Variants in IGF1R observed in about 807,000 individuals in gnomAD.
IGF1R encodes the protein insulin like growth factor 1 receptor, also known as insulin-like growth factor 1 receptor.
IGF1R carries 44 observed loss-of-function variants against 144.6 expected under a neutral mutation model. The ratio of observed to expected loss-of-function variants is 0.30; its 90% CI spans 0.24 to 0.39. IGF1R has a LOEUF of 0.39. IGF1R is among the 10% of genes least tolerant of loss of function. IGF1R has a pLI of 1.00. For synonymous variants in IGF1R, 795 were observed against 722.8 expected, an observed-to-expected ratio of 1.10 and a Z score of -1.60; for missense variants, 1,355 against 1,833.7, an observed-to-expected ratio of 0.74 and a Z score of 4.77.
intron 2 of IGF1R, among the ~76,000 whole-genome samples, chr15:98,813,010 T>A (rs777262396): frequency 6.6e-6 from 1 of 152,242 alleles, no homozygotes; most frequent in African/African-American, 2.4e-5. Flanking sequence ...TCTCCGATAG[T>A]GCTGGTGAAT....
intron 2 of IGF1R, among the ~76,000 whole-genome samples, chr15:98,718,944 TG>T (rs995845298): frequency 2.0e-5 from 3 of 151,988 alleles, no homozygotes; most frequent in African/African-American, 7.3e-5. Context: ...GCTTTGTTCC[TG>T]GGGTGGTAAC....
At chr15:98,846,703 G>A (rs1278724050) in intron 2 of IGF1R, among the ~76,000 whole-genome samples, 1 of 152,224 alleles carries the variant, frequency 6.6e-6, no homozygotes, top group African/African-American at 2.4e-5. Flanking sequence ...ATCGAGAGGG[G>A]CAGTGTTTCT....
intron 1 of IGF1R, among the ~76,000 whole-genome samples, chr15:98,656,307 T>C (rs1439231208): frequency 6.6e-6 from 1 of 152,202 alleles, no homozygotes; most frequent in Admixed American, 6.5e-5. Context: ...CCCAGCACTT[T>C]GGGAGGCCAA....
chr15:98,815,621 A>G (rs2056680018), intron 2 of IGF1R, among the ~76,000 whole-genome samples: 1 of 152,164 alleles, frequency 6.6e-6, no homozygotes, highest in Non-Finnish European at 1.5e-5. Context: ...GACTGGGCTT[A>G]CCTCTTGTCC....
At chr15:98,918,534 G>A (rs1018832081) in intron 10 of IGF1R, among the ~76,000 whole-genome samples, 14 of 152,082 alleles carry the variant, frequency 9.2e-5, no homozygotes, top group African/African-American at 1.7e-4. Flanking sequence ...TTGAGAGTGC[G>A]CCTCTTCATT....
intron 1 of IGF1R, among the ~76,000 whole-genome samples, chr15:98,693,529 T>A (rs1171149440): frequency 6.6e-6 from 1 of 152,208 alleles, no homozygotes; most frequent in African/African-American, 2.4e-5. Context: ...CCTGGTGCAC[T>A]GGGCACAGCG....
intron 2 of IGF1R, among the ~76,000 whole-genome samples, chr15:98,855,815 C>T (rs1013922460): frequency 6.6e-6 from 1 of 152,188 alleles, no homozygotes; most frequent in African/African-American, 2.4e-5. Flanking sequence ...CAGGTTCTTG[C>T]TAAAGCACTG....
chr15:98,888,297 T>C (rs193029468), intron 2 of IGF1R, among the ~76,000 whole-genome samples: 1 of 152,374 alleles, frequency 6.6e-6, no homozygotes, highest in East Asian at 1.9e-4. Flanking sequence ...TTATATTCTG[T>C]TGTGACCAGT....
At chr15:98,896,725 G>C (rs1403412871) in intron 3 of IGF1R, 32 bp from the exon 4 acceptor site, 1 of 1,607,584 alleles carries the variant, frequency 6.2e-7, no homozygotes, top group Non-Finnish European at 8.5e-7. Flanking sequence ...TCAATTATGT[G>C]TGTTTTTGAT....
chr15:98,826,126 T>C (rs2056890848), intron 2 of IGF1R, among the ~76,000 whole-genome samples: 1 of 152,224 alleles, frequency 6.6e-6, no homozygotes, highest in African/African-American at 2.4e-5. Context: ...GTGGTTGATA[T>C]CTTGAAATCA....
Position 98,947,821 on chromosome 15 carries a change from C to T in IGF1R, c.3588-753C>T, listed in dbSNP as rs545466925. On this transcript the variant is annotated intron_variant, in intron 19 of 20. Transcript: ENST00000650285. ...AGTGCAGCCCACCCTGGTCCCCCCACCTGTGACACAGAGGCCCTGCAGGCC... is the reference window on the plus strand; with the variant it reads ...AGTGCAGCCCACCCTGGTCCCCCCATCTGTGACACAGAGGCCCTGCAGGCC... Among the ~76,000 whole-genome samples the T allele has an allele frequency of 3.9e-5, 6 of 152,346 alleles. No individual in the cohort carries two copies. In the South Asian group the frequency reaches 8.3e-4, roughly 21 times the overall value.
At chr15:98,913,000 G>C in intron 7 of IGF1R, 44 bp from the exon 8 acceptor site, 2 of 1,386,806 alleles carry the variant, frequency 1.4e-6, no homozygotes, top group Non-Finnish European at 2.1e-6. Flanking sequence ...TGAGGGTTTT[G>C]ATGTCAGAGC....
At chr15:98,714,855 G>A (rs1363904791) in intron 2 of IGF1R, among the ~76,000 whole-genome samples, 2 of 152,078 alleles carry the variant, frequency 1.3e-5, no homozygotes, top group Non-Finnish European at 2.9e-5. Context: ...GAGCTGAGAT[G>A]TTTCTGTTAA....
At chr15:98,849,719 G>C (rs1209625179) in intron 2 of IGF1R, among the ~76,000 whole-genome samples, 1 of 152,132 alleles carries the variant, frequency 6.6e-6, no homozygotes, top group Non-Finnish European at 1.5e-5. Context: ...AATTGTTAAG[G>C]AAGAGGCTAA....
Position 98,916,089 on chromosome 15 carries a change from C to A in IGF1R, c.1954C>A (p.Pro652Thr), listed in dbSNP as rs1427895738. The change falls in exon 9 of 21, where the codon CCT (proline) becomes ACT (threonine). Residue 652 changes from proline (P) to threonine (T), a missense_variant. By Grantham distance (38) the Pro-to-Thr change is conservative. Transcript: ENST00000650285. The stretch of plus-strand genomic sequence containing the variant: ...CTACATTGTGCGCTGGCAGCGGCAG[C>A]CTCAGGACGGCTACCTTTACCGGCA... ...SYYIVRWQRQ[P>T]QDGYLYRHNY... The A allele has an allele frequency of 6.2e-7, 1 of 1,614,194 alleles. No homozygotes were observed. The highest frequency in any genetic ancestry group is 1.6e-4 in the Middle Eastern group (1 of 6,062).
chr15:98,706,346 G>T (rs557872924), intron 1 of IGF1R, among the ~76,000 whole-genome samples: 57 of 152,298 alleles, frequency 3.7e-4, no homozygotes, highest in Non-Finnish European at 7.2e-4. Flanking sequence ...CCTAAAAAAG[G>T]TTATCACAAA....
intron 2 of IGF1R, among the ~76,000 whole-genome samples, chr15:98,767,583 A>G (rs1239821138): frequency 6.6e-6 from 1 of 152,232 alleles, no homozygotes; most frequent in Non-Finnish European, 1.5e-5. Flanking sequence ...AATATTTCTT[A>G]TTGTTGATAA....
intron 1 of IGF1R, among the ~76,000 whole-genome samples, chr15:98,681,320 C>T (rs1454762208): frequency 6.6e-6 from 1 of 152,148 alleles, no homozygotes; most frequent in Admixed American, 6.5e-5. Flanking sequence ...CCTCGTTGTT[C>T]AGTTCTTGCT....
At chr15:98,718,930 A>T (rs2054184006) in intron 2 of IGF1R, among the ~76,000 whole-genome samples, 4 of 151,926 alleles carry the variant, frequency 2.6e-5, no homozygotes, top group Admixed American at 2.6e-4. Flanking sequence ...CCTAGAAAAG[A>T]CCAGCTTTGT....
Sources: gnomAD v4.1 joint callset for allele counts (sites outside exome capture counted in the v4.1 genomes callset) on GRCh38, gnomAD v4.1.1 for gene constraint, MANE v1.5 for transcripts, NCBI Gene and HGNC (gene_info 2026-07-23, HGNC 2026-07-21) for gene names.